Variants in LRP2 observed in about 807,000 individuals in gnomAD.
The protein encoded by LRP2 is LDL receptor related protein 2.
A neutral mutation model predicts 531.0 loss-of-function variants in LRP2; 172 were observed. That is an observed-to-expected ratio of 0.32 (90% CI 0.29 to 0.37). LRP2 has a LOEUF of 0.37. LRP2 is among the 10% of genes least tolerant of loss of function. The pLI, the probability that LRP2 is intolerant of heterozygous loss-of-function variation, is 1.00. For missense variants in LRP2, 5,167 were observed against 5,868.3 expected (o/e 0.88, Z 3.90); for synonymous variants, 1,992 against 2,027.6 (o/e 0.98, Z 0.47).
chr2:169,306,084 T>A (rs1450836068), intron 4 of LRP2, among the ~76,000 whole-genome samples: 1 of 152,054 alleles, frequency 6.6e-6, no homozygotes, highest in African/African-American at 2.4e-5. Flanking sequence ...CATGACTATA[T>A]CTTTATACAG....
In LRP2 at chr2:169,236,059, T is replaced by G. The variant is rs757878930; in HGVS notation, c.4701A>C (p.Leu1567=). ...LALDPRMNEH[L]LFWSDWGHHP... is the part of the protein sequence containing the mutation. ...GGTGGCCCCAGTCAGACCAGAACAG[T>G]AGATGCTCACTGGGAAAGGAAATGA... Residue 1567 remains leucine (L), a synonymous_variant, in exon 29 of 79, where the codon CTA becomes CTC. Coordinates refer to ENST00000649046, the MANE Select transcript of LRP2 (RefSeq NM_004525.3). The G allele has an allele frequency of 6.2e-7, 1 of 1,613,248 alleles. No individual in the cohort carries two copies. Among genetic ancestry groups the G allele is most frequent in the Non-Finnish European group, 8.5e-7 (1 of 1,179,458 alleles).
intron 34 of LRP2, among the ~76,000 whole-genome samples, chr2:169,217,681 C>G (rs1343827690): frequency 1.3e-5 from 2 of 152,084 alleles, no homozygotes; most frequent in East Asian, 1.9e-4. Flanking sequence ...AATCTAAGTT[C>G]CCTAATCTAA....
intron 75 of LRP2, among the ~76,000 whole-genome samples, chr2:169,138,004 T>A (rs1375530150): frequency 6.6e-6 from 1 of 152,152 alleles, no homozygotes; most frequent in African/African-American, 2.4e-5. Flanking sequence ...GGCAGCCCCC[T>A]CATAAAGTAT....
rs751806354 is a variant in LRP2, at chr2:169,226,598, T to C, written c.5228-10A>G. 5.6e-6 allele frequency: 9 copies of C among 1,598,812 alleles called. No individual in the cohort carries two copies. Among genetic ancestry groups the C allele is most frequent in the African/African-American group, 1.3e-5 (1 of 74,652 alleles). On this transcript the variant is annotated splice_polypyrimidine_tract_variant and intron_variant, in intron 31 of 78. Coordinates refer to ENST00000649046, the MANE Select transcript of LRP2 (RefSeq NM_004525.3). ...AAGAAAGGTTGATCATCTGTGAAAA[T>C]AGAAGAATATCAGTCAAAATCATAT...
At chr2:169,301,173 C>G (rs1351358340) in intron 4 of LRP2, among the ~76,000 whole-genome samples, 1 of 152,006 alleles carries the variant, frequency 6.6e-6, no homozygotes, top group African/African-American at 2.4e-5. Flanking sequence ...TTTATTCACA[C>G]CAAAATCATT....
At chr2:169,218,406 C>T (rs945287509) in intron 34 of LRP2, among the ~76,000 whole-genome samples, 5 of 152,166 alleles carry the variant, frequency 3.3e-5, no homozygotes, top group South Asian at 2.1e-4. Flanking sequence ...TGAAATGTCA[C>T]CTCTTTATAG....
chr2:169,176,790 C>T lies in LRP2; in HGVS notation c.10394-202G>A, dbSNP rs1182770806. 5.3e-5 allele frequency among the ~76,000 whole-genome samples: 8 copies of T among 152,138 alleles called. No homozygotes were observed. In the East Asian group the frequency reaches 1.5e-3, roughly 29 times the overall value. On this transcript the variant is annotated intron_variant, in intron 53 of 78. Transcript: ENST00000649046. ...AACAACCCTGTGCTTTAAGAAAGCT[C>T]ATTTATATGCTACCAGAAGTGAGCT... is the stretch of plus-strand genomic sequence containing the variant.
chr2:169,200,057 T>G lies in LRP2; in HGVS notation c.8453-1146A>C, dbSNP rs896252473. ...TGAGGTCAGGAGATCGAGACCATCC[T>G]GGCTAACATGGTGAAACCTCGTCTC... On this transcript the variant is annotated intron_variant, in intron 44 of 78. Transcript: ENST00000649046. Among the ~76,000 whole-genome samples, 3 of 152,194 alleles carry G rather than the reference T, an allele frequency of 2.0e-5. No homozygotes were observed. The South Asian group carries it at 6.2e-4, about 31-fold the overall frequency.
chr2:169,225,176 TA>T (rs1265053724), intron 33 of LRP2, 133 bp downstream of exon 33: 2 of 845,014 alleles, frequency 2.4e-6, no homozygotes, highest in Admixed American at 4.3e-5. Context: ...CTTTGATAGT[TA>T]ACACTAATAT....
At position 169,206,737 on chromosome 2, in the gene LRP2, A is replaced by G; in HGVS notation, c.6983T>C (p.Ile2328Thr). ...DNINWLRDVT[I>T]FDKQVQPRSP... ...CCGGGGCTGGACTTGCTTGTCAAAG[A>G]TGGTCACATCTCTTAGCCAGTTGAT... Residue 2328 changes from isoleucine (I) to threonine (T), a missense_variant, in exon 39 of 79, where the codon ATC (isoleucine) becomes ACC (threonine). Physicochemically the swap from Ile to Thr is moderately conservative, Grantham distance 89. Coordinates refer to ENST00000649046, the MANE Select transcript of LRP2 (RefSeq NM_004525.3). The G allele has an allele frequency of 6.2e-7, 1 of 1,614,134 alleles. No homozygotes were observed.
chr2:169,130,287 T>C (rs1325164323), intron 77 of LRP2, among the ~76,000 whole-genome samples: 3 of 149,858 alleles, frequency 2.0e-5, no homozygotes, highest in Admixed American at 2.0e-4. Context: ...TAGAACTGAA[T>C]CTTTTTTTTT....
chr2:169,169,892 G>C, intron 59 of LRP2, 74 bp from the exon 60 acceptor site: 1 of 1,003,342 alleles, frequency 1.0e-6, no homozygotes, highest in Non-Finnish European at 1.6e-6. Flanking sequence ...GGAGTATAGT[G>C]GTTACTCCAT....
chr2:169,293,965 C>G (rs963572769), intron 6 of LRP2, among the ~76,000 whole-genome samples, 183 bp downstream of exon 6: 1 of 152,104 alleles, frequency 6.6e-6, no homozygotes, highest in African/African-American at 2.4e-5. Flanking sequence ...TCGAGCAACA[C>G]CACAAAGGCT....
intron 76 of LRP2, among the ~76,000 whole-genome samples, chr2:169,135,696 G>C (rs544616735): frequency 2.0e-5 from 3 of 148,046 alleles, no homozygotes; most frequent in East Asian, 3.9e-4. Context: ...TCAGAATTCA[G>C]GCCTGTCCTC....
intron 34 of LRP2, among the ~76,000 whole-genome samples, chr2:169,217,488 C>T (rs1223942571): frequency 6.6e-6 from 1 of 152,216 alleles, no homozygotes; most frequent in Non-Finnish European, 1.5e-5. Flanking sequence ...TTCTTCTACA[C>T]CTGGACATCA....
intron 1 of LRP2, among the ~76,000 whole-genome samples, chr2:169,326,784 C>T (rs1056982735): frequency 1.3e-5 from 2 of 150,592 alleles, no homozygotes; most frequent in African/African-American, 2.5e-5. Flanking sequence ...CGCCTCTTCC[C>T]GGCAGCCATC....
intron 3 of LRP2, among the ~76,000 whole-genome samples, chr2:169,309,893 A>G (rs941209910): frequency 1.3e-5 from 2 of 152,082 alleles, no homozygotes; most frequent in African/African-American, 4.8e-5. Flanking sequence ...GTCCTCTTTT[A>G]TTTCACTGAG....
chr2:169,285,764 C>T (rs1305698023), intron 9 of LRP2, among the ~76,000 whole-genome samples: 4 of 152,162 alleles, frequency 2.6e-5, no homozygotes, highest in Non-Finnish European at 5.9e-5. Flanking sequence ...CAGTAAACTG[C>T]TTCAGCATGC....
Position 169,318,828 on chromosome 2 carries a change from G to T in LRP2, c.244C>A (p.Pro82Thr). Residue 82 changes from proline (P) to threonine (T), a missense_variant, in exon 3 of 79, where the codon CCC becomes ACC. Physicochemically the swap from Pro to Thr is conservative, Grantham distance 38 (BLOSUM62 -1). Around this residue, in one of 6 missense-constraint regions of LRP2, gnomAD observed 2,811 missense variants for 3,058.0 expected, o/e 0.92. Coordinates refer to ENST00000649046, the MANE Select transcript of LRP2 (RefSeq NM_004525.3). ...TCTTGGTCACACACCCAGGAGTTGG[G>T]GATGCATTGTCCCTCACTCTGGCAC... ...FKCQSEGQCI[P>T]NSWVCDQDQD... 6 of 1,614,090 alleles carry T rather than the reference G, an allele frequency of 3.7e-6. No individual in the cohort carries two copies. Among genetic ancestry groups the T allele is most frequent in the Non-Finnish European group, 5.1e-6 (6 of 1,179,986 alleles).
Sources: allele counts gnomAD v4.1 joint callset (sites outside exome capture counted in the v4.1 genomes callset), GRCh38; gene constraint gnomAD v4.1.1; regional missense constraint gnomAD v4.1.1; transcripts MANE v1.5; gene names NCBI Gene and HGNC (gene_info 2026-07-23, HGNC 2026-07-21).